Variants in PIP4K2A observed in about 807,000 individuals in gnomAD.
The protein encoded by PIP4K2A is phosphatidylinositol-5-phosphate 4-kinase type 2 alpha.
A neutral mutation model predicts 42.9 loss-of-function variants in PIP4K2A; 14 were observed. The observed-to-expected ratio is 0.33, with a 90% CI of 0.22 to 0.51. The LOEUF is 0.51. Among genes scored for constraint, PIP4K2A ranks in the 20% least tolerant of loss-of-function variants. PIP4K2A has a pLI of 0.97. For missense variants in PIP4K2A, 434 were observed against 519.8 expected (o/e 0.83, Z 1.61); for synonymous variants, 192 against 192.2 (o/e 1.00, Z 0.01).
In PIP4K2A at chr10:22,554,664, C is replaced by T. The variant is rs564248326; in HGVS notation, c.679-3892G>A. Among the ~76,000 whole-genome samples the T allele has an allele frequency of 5.3e-3, 805 of 152,300 alleles. 2 individuals carry two copies. Among genetic ancestry groups the T allele is most frequent in the Non-Finnish European group, 8.1e-3 (554 of 68,028 alleles). ...CAACCTTTCTGAAGTGGCGGCGGGC[C>T]GAGTCTTTATTTGCGCTGAATTCAG... is the stretch of plus-strand genomic sequence containing the variant. On this transcript the variant is annotated intron_variant, in intron 6 of 9. Coordinates refer to ENST00000376573, the MANE Select transcript of PIP4K2A (RefSeq NM_005028.5).
chr10:22,613,346 G>A (rs1459516838), intron 1 of PIP4K2A, among the ~76,000 whole-genome samples: 1 of 152,066 alleles, frequency 6.6e-6, no homozygotes, highest in Non-Finnish European at 1.5e-5. Context: ...ACAGAGGGAG[G>A]ACCTGACAGA....
At chr10:22,600,150 T>C (rs1229118731) in intron 3 of PIP4K2A, among the ~76,000 whole-genome samples, 1 of 151,824 alleles carries the variant, frequency 6.6e-6, no homozygotes, top group African/African-American at 2.4e-5. Flanking sequence ...ACCAAGCATT[T>C]TGCATATTTA....
intron 1 of PIP4K2A, chr10:22,642,124 T>A (rs72816856): frequency 1.3e-5 from 2 of 152,204 alleles, no homozygotes; most frequent in African/African-American, 2.4e-5. Flanking sequence ...CTGGCGGCAT[T>A]TGCATCCCTG....
At chr10:22,639,359 T>A (rs1467598675) in intron 1 of PIP4K2A, among the ~76,000 whole-genome samples, 18 of 135,708 alleles carry the variant, frequency 1.3e-4, no homozygotes, top group African/African-American at 1.6e-4. Context: ...CAAAAGAAGC[T>A]AAAAAAAAAA....
At chr10:22,554,649 G>C (rs879903836) in intron 6 of PIP4K2A, among the ~76,000 whole-genome samples, 4 of 152,256 alleles carry the variant, frequency 2.6e-5, no homozygotes, top group Admixed American at 2.6e-4. Flanking sequence ...CAACCTTTCT[G>C]AAGTGGCGGC....
intron 4 of PIP4K2A, among the ~76,000 whole-genome samples, chr10:22,591,385 A>G (rs1197629531): frequency 1.3e-5 from 2 of 152,258 alleles, no homozygotes; most frequent in African/African-American, 4.8e-5. Flanking sequence ...AAACTATTAC[A>G]CAAGAGTATT....
At chr10:22,665,522 G>A (rs539154377) in intron 1 of PIP4K2A, among the ~76,000 whole-genome samples, 1 of 151,210 alleles carries the variant, frequency 6.6e-6, no homozygotes, top group East Asian at 1.9e-4. Context: ...GCTCATTGCA[G>A]CCTCAACCTC....
At chr10:22,658,899 C>G (rs758642906) in intron 1 of PIP4K2A, among the ~76,000 whole-genome samples, 3 of 152,224 alleles carry the variant, frequency 2.0e-5, no homozygotes, top group Non-Finnish European at 4.4e-5. Context: ...CCATGACTAT[C>G]AGATGACAAA....
intron 1 of PIP4K2A, among the ~76,000 whole-genome samples, chr10:22,628,214 T>C (rs1330488112): frequency 6.6e-6 from 1 of 152,240 alleles, no homozygotes; most frequent in Non-Finnish European, 1.5e-5. Context: ...ATTATTTTAC[T>C]GGCATAAAAT....
At chr10:22,600,740 G>A (rs1837743164) in intron 3 of PIP4K2A, among the ~76,000 whole-genome samples, 1 of 152,120 alleles carries the variant, frequency 6.6e-6, no homozygotes, top group Admixed American at 6.6e-5. Context: ...ATCTGAGCGA[G>A]CACAGATGGT....
chr10:22,658,069 A>C (rs1043136039), intron 1 of PIP4K2A, among the ~76,000 whole-genome samples: 5 of 152,216 alleles, frequency 3.3e-5, no homozygotes, highest in Middle Eastern at 3.2e-3. Context: ...GCAATCAGCT[A>C]TGAATAAAAT....
At chr10:22,558,159 A>G (rs1836598513) in intron 6 of PIP4K2A, among the ~76,000 whole-genome samples, 1 of 152,218 alleles carries the variant, frequency 6.6e-6, no homozygotes, top group Non-Finnish European at 1.5e-5. Context: ...AATGCTCCAC[A>G]TAAAAAATAC....
chr10:22,632,812 A>G (rs1478258930), intron 1 of PIP4K2A, among the ~76,000 whole-genome samples: 1 of 152,230 alleles, frequency 6.6e-6, no homozygotes, highest in Non-Finnish European at 1.5e-5. Flanking sequence ...ACTCTCTTAC[A>G]TTATCAAATT....
intron 7 of PIP4K2A, among the ~76,000 whole-genome samples, chr10:22,544,138 A>G (rs1295960519): frequency 1.3e-5 from 2 of 152,110 alleles, no homozygotes; most frequent in Non-Finnish European, 1.5e-5. Flanking sequence ...CCCTCCACAC[A>G]TGACTCTGCG....
intron 1 of PIP4K2A, among the ~76,000 whole-genome samples, chr10:22,685,447 C>T (rs72816862): frequency 6.6e-6 from 1 of 152,130 alleles, no homozygotes; most frequent in East Asian, 1.9e-4. Context: ...GTGATCCCAG[C>T]TCTTTGGGAG....
At chr10:22,680,674 G>A (rs1839641894) in intron 1 of PIP4K2A, among the ~76,000 whole-genome samples, 1 of 152,140 alleles carries the variant, frequency 6.6e-6, no homozygotes, top group South Asian at 2.1e-4. Flanking sequence ...TAATGACATG[G>A]GTCAAGAACT....
chr10:22,675,328 C>G (rs1286737306), intron 1 of PIP4K2A, among the ~76,000 whole-genome samples: 2 of 152,146 alleles, frequency 1.3e-5, no homozygotes, highest in African/African-American at 4.8e-5. Context: ...TGGCTCACAC[C>G]TGTAATCCCA....
chr10:22,666,300 A>G (rs1839350883), intron 1 of PIP4K2A, among the ~76,000 whole-genome samples: 1 of 152,230 alleles, frequency 6.6e-6, no homozygotes. Flanking sequence ...AGTATATTGT[A>G]TAACTTACTG....
chr10:22,588,134 T>G (rs1184822156), intron 4 of PIP4K2A, among the ~76,000 whole-genome samples: 1 of 152,248 alleles, frequency 6.6e-6, no homozygotes, highest in Non-Finnish European at 1.5e-5. Context: ...CCACCTTTAA[T>G]GGTCAACGTT....
Sources: gnomAD v4.1 joint callset for allele counts (sites outside exome capture counted in the v4.1 genomes callset) on GRCh38, gnomAD v4.1.1 for gene constraint, MANE v1.5 for transcripts, NCBI Gene and HGNC (gene_info 2026-07-23, HGNC 2026-07-21) for gene names.